The following EPB41L2 variants were observed in gnomAD, a reference collection of about 807,000 sequenced individuals.
EPB41L2 encodes band 4.1-like protein 2.
A neutral mutation model predicts 113.0 loss-of-function variants in EPB41L2; 43 were observed. The observed-to-expected ratio is 0.38, with a 90% CI of 0.30 to 0.49. EPB41L2 has a LOEUF of 0.49. Among genes scored for constraint, EPB41L2 ranks in the 20% least tolerant of loss-of-function variants. The pLI, the probability that EPB41L2 is intolerant of heterozygous loss-of-function variation, is 0.95. For missense variants in EPB41L2, 1,147 were observed against 1,223.4 expected (o/e 0.94, Z 0.93); for synonymous variants, 442 against 436.7 (o/e 1.01, Z -0.15).
At chr6:130,932,072 A>G (rs1009185995) in intron 3 of EPB41L2, among the ~76,000 whole-genome samples, 3 of 152,208 alleles carry the variant, frequency 2.0e-5, no homozygotes, top group African/African-American at 7.2e-5. Context: ...AGCTGAAATT[A>G]CAAGACCTTT....
At chr6:131,053,087 G>A (rs939790850) in intron 1 of EPB41L2, among the ~76,000 whole-genome samples, 1 of 151,960 alleles carries the variant, frequency 6.6e-6, no homozygotes, top group Non-Finnish European at 1.5e-5. Flanking sequence ...GTAGAGATGG[G>A]GTTTCACCAT....
chr6:130,917,824 C>A (rs1801616960), intron 4 of EPB41L2, among the ~76,000 whole-genome samples: 1 of 152,198 alleles, frequency 6.6e-6, no homozygotes, highest in African/African-American at 2.4e-5. Flanking sequence ...GACCCTAAGA[C>A]CCCAGAGTTC....
chr6:130,950,277 G>C (rs1019752165), intron 3 of EPB41L2, among the ~76,000 whole-genome samples: 1 of 150,908 alleles, frequency 6.6e-6, no homozygotes, highest in African/African-American at 2.4e-5. Context: ...CAATAGAAAT[G>C]ATAAAACCAA....
intron 19 of EPB41L2, among the ~76,000 whole-genome samples, chr6:130,842,813 T>C (rs1775926523): frequency 1.3e-5 from 2 of 152,288 alleles, no homozygotes; most frequent in South Asian, 2.1e-4. Context: ...GAGCTAAATA[T>C]AGAGAAAAAG....
intron 3 of EPB41L2, among the ~76,000 whole-genome samples, chr6:130,951,046 G>A (rs114355453): frequency 0.014 from 2,156 of 152,010 alleles, 47 homozygotes; most frequent in African/African-American, 0.05. Flanking sequence ...AAAAGATGGT[G>A]AGGAGTTTGA....
At chr6:130,931,422 A>G (rs1025459925) in intron 3 of EPB41L2, among the ~76,000 whole-genome samples, 1 of 152,190 alleles carries the variant, frequency 6.6e-6, no homozygotes, top group East Asian at 1.9e-4. Flanking sequence ...AGTCACTCCT[A>G]AGAAACCTAA....
chr6:130,842,981 T>C (rs1440897142), intron 19 of EPB41L2, among the ~76,000 whole-genome samples: 1 of 151,330 alleles, frequency 6.6e-6, no homozygotes, highest in Non-Finnish European at 1.5e-5. Flanking sequence ...AACTTATTTA[T>C]TTTCTCATTC....
intron 1 of EPB41L2, among the ~76,000 whole-genome samples, chr6:131,050,083 A>C (rs1796229750): frequency 6.6e-6 from 1 of 152,220 alleles, no homozygotes; most frequent in African/African-American, 2.4e-5. Flanking sequence ...TCACACCTGT[A>C]ATCCCAGCAC....
At chr6:130,896,947 C>G (rs536483056) in intron 8 of EPB41L2, among the ~76,000 whole-genome samples, 1 of 152,178 alleles carries the variant, frequency 6.6e-6, no homozygotes, top group African/African-American at 2.4e-5. Flanking sequence ...GATTCCCTCC[C>G]TACGTGGTCA....
At chr6:130,855,543 G>C (rs1582695670) in intron 19 of EPB41L2, among the ~76,000 whole-genome samples, 1 of 152,230 alleles carries the variant, frequency 6.6e-6, no homozygotes, top group Non-Finnish European at 1.5e-5. Context: ...TGAAGAGTCA[G>C]GTTGCTAGAT....
chr6:130,980,759 C>G (rs558207094), intron 1 of EPB41L2, among the ~76,000 whole-genome samples: 2 of 152,220 alleles, frequency 1.3e-5, no homozygotes, highest in African/African-American at 4.8e-5. Context: ...TTCACAACAA[C>G]CAATCCAAAG....
intron 1 of EPB41L2, among the ~76,000 whole-genome samples, chr6:130,964,642 A>G (rs368196086): frequency 6.6e-6 from 1 of 152,126 alleles, no homozygotes; most frequent in Non-Finnish European, 1.5e-5. Context: ...GAAAATAACT[A>G]TATTTGTTTA....
chr6:131,044,965 TATATAC>T (rs1301176730), intron 1 of EPB41L2, among the ~76,000 whole-genome samples: 22 of 152,290 alleles, frequency 1.4e-4, no homozygotes, highest in African/African-American at 5.1e-4. Flanking sequence ...TTCATACATA[TATATAC>T]ATATACACAC....
intron 3 of EPB41L2, among the ~76,000 whole-genome samples, chr6:130,937,523 TAA>T (rs140326091): frequency 6.7e-6 from 1 of 150,034 alleles, no homozygotes; most frequent in East Asian, 1.9e-4. Flanking sequence ...TAAAATGCTT[TAA>T]AAAAAAAATG....
intron 14 of EPB41L2, 61 bp downstream of exon 14, chr6:130,878,043 C>A: frequency 1.4e-6 from 2 of 1,476,614 alleles, no homozygotes; most frequent in Non-Finnish European, 1.8e-6. Flanking sequence ...TAGAGATTAA[C>A]AATTTAAGTT....
At chr6:130,880,478 T>C (rs1788963530) in intron 12 of EPB41L2, 2 of 656,068 alleles carry the variant, frequency 3.0e-6, no homozygotes, top group Non-Finnish European at 2.7e-6. Flanking sequence ...TTTCCTCTTC[T>C]TCCATCTTCG....
In EPB41L2 at chr6:131,059,208, G is replaced by A. The variant is rs149240103; in HGVS notation, c.-15+3947C>T. On this transcript the variant is annotated intron_variant, in intron 1 of 19. Coordinates refer to ENST00000337057, the MANE Select transcript of EPB41L2 (RefSeq NM_001431.4). ...CCGCTCACAGCAAGCTCTGCCTCCC[G>A]GGTTCACGCCATTCTCCTGCCTCAG... 7.8e-3 allele frequency among the ~76,000 whole-genome samples: 1,145 copies of A among 146,790 alleles called. 11 individuals are homozygous for A. The highest frequency in any genetic ancestry group is 0.025 in the African/African-American group (991 of 39,732).
intron 10 of EPB41L2, among the ~76,000 whole-genome samples, chr6:130,892,403 C>CTTTTTTTGTTTTTTTTTTTTTTTT (rs1793205712): frequency 2.2e-5 from 2 of 92,640 alleles, no homozygotes; most frequent in Non-Finnish European, 4.8e-5. Flanking sequence ...CAGATTATTG[C>CTTTTTTTGTTTTTTTTTTTTTTTT]TTTTTTTTTT....
At chr6:131,039,964 C>T (rs188180471) in intron 1 of EPB41L2, among the ~76,000 whole-genome samples, 17 of 152,144 alleles carry the variant, frequency 1.1e-4, no homozygotes, top group Admixed American at 2.0e-4. Flanking sequence ...AATCAAATAG[C>T]CCACATTAAT....
Sources: gnomAD v4.1 joint callset for allele counts (sites outside exome capture counted in the v4.1 genomes callset) on GRCh38, gnomAD v4.1.1 for gene constraint, MANE v1.5 for transcripts, NCBI Gene and HGNC (gene_info 2026-07-23, HGNC 2026-07-21) for gene names.